Variants in PRTG observed in about 807,000 individuals in gnomAD.
PRTG encodes the protein immunoglobulin superfamily, DCC subclass, member 5.
A neutral mutation model predicts 122.5 loss-of-function variants in PRTG; 67 were observed. The ratio of observed to expected loss-of-function variants is 0.55; its 90% CI spans 0.45 to 0.67. The LOEUF (loss-of-function observed/expected upper bound fraction) is 0.67. Among genes scored for constraint, PRTG ranks in the 30% least tolerant of loss-of-function variants. PRTG has a pLI of 0.00. For missense variants in PRTG, 1,435 were observed against 1,415.4 expected, an observed-to-expected ratio of 1.01 and a Z score of -0.22; for synonymous variants, 554 against 501.1, an observed-to-expected ratio of 1.11 and a Z score of -1.41.
intron 2 of PRTG, 83 bp downstream of exon 2, chr15:55,740,299 G>T: frequency 7.8e-7 from 1 of 1,280,722 alleles, no homozygotes; most frequent in East Asian, 2.3e-5. Flanking sequence ...TGCATGATTC[G>T]GGGGATTATT....
chr15:55,742,824 G>T lies in PRTG; in HGVS notation c.94+14C>A. On this transcript the variant is annotated intron_variant, in intron 1 of 19. Coordinates refer to ENST00000389286, the MANE Select transcript of PRTG (RefSeq NM_173814.6). ...CCCACAGCGGTAAGAGAAAGCAGAA[G>T]AAAGCGCGCCCACCTGGCAAAGGAC... 3 of 1,541,410 alleles carry T rather than the reference G, an allele frequency of 1.9e-6. No individual in the cohort carries two copies. Among genetic ancestry groups the T allele is most frequent in the Non-Finnish European group, 2.6e-6 (3 of 1,142,392 alleles).
intron 2 of PRTG, among the ~76,000 whole-genome samples, chr15:55,713,117 C>T (rs1207776168): frequency 2.8e-5 from 4 of 142,166 alleles, no homozygotes; most frequent in South Asian, 4.5e-4. Flanking sequence ...CCAGAAACAA[C>T]CACTATTTTC....
chr15:55,661,769 TCTG>T (rs1473863154), intron 11 of PRTG, among the ~76,000 whole-genome samples: 23 of 152,282 alleles, frequency 1.5e-4, no homozygotes, highest in Middle Eastern at 3.4e-3. Context: ...ACCACCATTG[TCTG>T]CTAGAAAGCT....
intron 18 of PRTG, 62 bp downstream of exon 18, chr15:55,624,280 T>A (rs2059182085): frequency 6.7e-7 from 1 of 1,490,994 alleles, no homozygotes; most frequent in Non-Finnish European, 9.2e-7. Context: ...GAAGTACATT[T>A]TACACACACA....
intron 2 of PRTG, among the ~76,000 whole-genome samples, chr15:55,703,235 G>A (rs888711487): frequency 6.6e-6 from 1 of 152,156 alleles, no homozygotes; most frequent in East Asian, 1.9e-4. Context: ...TTTTGTACAT[G>A]CATCTATGCC....
intron 2 of PRTG, among the ~76,000 whole-genome samples, chr15:55,685,722 T>C (rs1275192955): frequency 6.6e-6 from 1 of 152,216 alleles, no homozygotes; most frequent in Non-Finnish European, 1.5e-5. Context: ...TTTTTCTCAG[T>C]TTTAATTTCT....
At chr15:55,623,521 G>GT (rs1441323869) in intron 18 of PRTG, among the ~76,000 whole-genome samples, 1 of 151,852 alleles carries the variant, frequency 6.6e-6, no homozygotes, top group Non-Finnish European at 1.5e-5. Flanking sequence ...AGCCGAGATC[G>GT]TACCACTGCA....
At chr15:55,705,734 C>T (rs540566285) in intron 2 of PRTG, among the ~76,000 whole-genome samples, 1 of 152,290 alleles carries the variant, frequency 6.6e-6, no homozygotes, top group Non-Finnish European at 1.5e-5. Flanking sequence ...AGCCACTGTG[C>T]TCAGTCTCCT....
chr15:55,628,932 T>C lies in PRTG; in HGVS notation c.2696A>G (p.Asn899Ser), dbSNP rs373042810. 1.1e-5 allele frequency: 17 copies of C among 1,613,976 alleles called. No individual in the cohort carries two copies. Among genetic ancestry groups the C allele is most frequent in the Admixed American group, 1.7e-5 (1 of 59,998 alleles). ...NVYIVKISASNEVGEGPFSNS... is the reference protein window; with the variant it reads ...NVYIVKISASSEVGEGPFSNS... ...TGAAAAGGGTCCTTCTCCCACCTCA[T>C]TGGATGCAGATATCTTGACAATGTA... The change falls in exon 16 of 20, where the codon AAT (asparagine) becomes AGT (serine). Residue 899 changes from asparagine (N) to serine (S), a missense_variant. Transcript: ENST00000389286.
intron 2 of PRTG, among the ~76,000 whole-genome samples, chr15:55,735,411 T>C (rs1194708570): frequency 6.6e-6 from 1 of 151,902 alleles, no homozygotes; most frequent in African/African-American, 2.4e-5. Flanking sequence ...ATTAAAATAC[T>C]CCCTTAGCCT....
intron 2 of PRTG, among the ~76,000 whole-genome samples, chr15:55,710,114 G>T (rs2030320830): frequency 6.6e-6 from 1 of 152,028 alleles, no homozygotes; most frequent in African/African-American, 2.4e-5. Context: ...CATTAACAAT[G>T]ACTACAGGAA....
intron 2 of PRTG, among the ~76,000 whole-genome samples, chr15:55,684,472 T>G (rs1404472038): frequency 6.6e-6 from 1 of 152,090 alleles, no homozygotes; most frequent in Non-Finnish European, 1.5e-5. Context: ...CATAGGATTG[T>G]GAGGAAACAG....
intron 2 of PRTG, among the ~76,000 whole-genome samples, chr15:55,727,503 T>C (rs1384441498): frequency 6.6e-6 from 1 of 152,006 alleles, no homozygotes; most frequent in Non-Finnish European, 1.5e-5. Flanking sequence ...ATAAAAAATC[T>C]CCCAACAATA....
At chr15:55,724,362 T>G (rs953460517) in intron 2 of PRTG, among the ~76,000 whole-genome samples, 3 of 152,218 alleles carry the variant, frequency 2.0e-5, no homozygotes, top group Non-Finnish European at 4.4e-5. Context: ...CTCTGCTGTT[T>G]GGGTGAATAT....
chr15:55,680,051 T>C lies in PRTG; in HGVS notation c.973+3A>G. The C allele has an allele frequency of 1.2e-6, 2 of 1,611,946 alleles. No individual in the cohort carries two copies. Among genetic ancestry groups the C allele is most frequent in the Non-Finnish European group, 1.7e-6 (2 of 1,178,674 alleles). On this transcript the variant is annotated splice_donor_region_variant and intron_variant, in intron 6 of 19. Coordinates refer to ENST00000389286, the MANE Select transcript of PRTG (RefSeq NM_173814.6). ...CCCTGATTGCAGAATGAAAGGAACA[T>C]ACCTAATACAGTTAAAGTTGCCATA...
intron 13 of PRTG, 112 bp from the exon 14 acceptor site, chr15:55,638,788 T>G (rs970122576): frequency 2.4e-6 from 2 of 844,170 alleles, no homozygotes; most frequent in African/African-American, 3.5e-5. Context: ...ATTACCTCCT[T>G]ATTTTATATG....
intron 15 of PRTG, among the ~76,000 whole-genome samples, chr15:55,634,293 T>G (rs952327699): frequency 6.6e-6 from 1 of 151,832 alleles, no homozygotes; most frequent in African/African-American, 2.4e-5. Flanking sequence ...GGTCTCCAAC[T>G]CCTGACCTCA....
intron 2 of PRTG, among the ~76,000 whole-genome samples, chr15:55,688,492 T>C (rs930119632): frequency 6.6e-6 from 1 of 152,192 alleles, no homozygotes; most frequent in Non-Finnish European, 1.5e-5. Context: ...CCTCAGACCT[T>C]CGTACTCATC....
chr15:55,637,459 C>G, intron 14 of PRTG, 119 bp from the exon 15 acceptor site: 6 of 732,990 alleles, frequency 8.2e-6, no homozygotes, highest in Non-Finnish European at 1.0e-5. Context: ...TAAGAAATCA[C>G]AGCTTTCAAA....
Sources: allele counts gnomAD v4.1 joint callset (sites outside exome capture counted in the v4.1 genomes callset), GRCh38; gene constraint gnomAD v4.1.1; transcripts MANE v1.5; gene names NCBI Gene and HGNC (gene_info 2026-07-23, HGNC 2026-07-21).